Variants in ZNF45 observed in about 807,000 individuals in gnomAD.
ZNF45 encodes the protein zinc finger protein 45.
A neutral mutation model predicts 12.0 loss-of-function variants in ZNF45; 4 were observed. The ratio of observed to expected loss-of-function variants is 0.33; its 90% confidence interval spans 0.16 to 0.76. The LOEUF is 0.76. Among genes scored for constraint, ZNF45 ranks in the 30% least tolerant of loss-of-function variants. The probability of loss-of-function intolerance (pLI) is 0.60; values close to 1 mark genes in which losing one functional copy is unlikely to be tolerated. For missense variants in ZNF45, 700 were observed against 813.0 expected, an observed-to-expected ratio of 0.86 and a Z score of 1.69; for synonymous variants, 272 against 279.6, an observed-to-expected ratio of 0.97 and a Z score of 0.27.
At chr19:43,929,506 C>G (rs1407640399) in intron 3 of ZNF45, among the ~76,000 whole-genome samples, 1 of 152,154 alleles carries the variant, frequency 6.6e-6, no homozygotes, top group Non-Finnish European at 1.5e-5. Context: ...AAAGCATAGG[C>G]CCCAGTTCCT....
At chr19:43,918,141 T>A (rs554253918) in intron 9 of ZNF45, among the ~76,000 whole-genome samples, 3 of 152,318 alleles carry the variant, frequency 2.0e-5, no homozygotes, top group Non-Finnish European at 4.4e-5. Flanking sequence ...AGGGAAAGAC[T>A]TAAAAGCTAT....
Position 43,913,715 on chromosome 19 carries a change from T to C in ZNF45, c.1721A>G (p.His574Arg), listed in dbSNP as rs1053636589. 2 of 1,614,140 alleles carry C rather than the reference T, an allele frequency of 1.2e-6. No individual in the cohort carries two copies. The highest frequency in any genetic ancestry group is 1.7e-6 in the Non-Finnish European group (2 of 1,180,018). The change falls in exon 10 of 10, where the codon CAT becomes CGT. Residue 574 changes from histidine to arginine, a missense_variant. By Grantham distance (29) the His-to-Arg change is conservative. Transcript: ENST00000269973. Reference sequence around the variant, plus strand: ...TTTTTCTCCTGTGTGGACTCCACGATGTGCCAGAAAATTGGAGGCCCGACA... The same window carrying C: ...TTTTTCTCCTGTGTGGACTCCACGACGTGCCAGAAAATTGGAGGCCCGACA... Reference protein sequence around the residue: ...GFCRASNFLAHRGVHTGEKPY... With the variant: ...GFCRASNFLARRGVHTGEKPY...
In ZNF45 at chr19:43,913,970, A is replaced by T; in HGVS notation, c.1466T>A (p.Val489Glu). Residue 489 changes from valine (V) to glutamate (E), a missense_variant, in exon 10 of 10, where the codon GTA becomes GAA. Val to Glu is a moderately radical substitution (Grantham distance 121, BLOSUM62 -2). Transcript: ENST00000269973. Reference protein sequence around the residue: ...KGFSRSSDLNVHCRIHTGEKP... With the variant: ...KGFSRSSDLNEHCRIHTGEKP... ...CTCTCCTGTGTGGATTCTACAGTGT[A>T]CATTAAGATCTGAGCTCCGACTGAA... 6.2e-7 allele frequency: 1 copy of T among 1,612,206 alleles called. No individual in the cohort carries two copies. Among genetic ancestry groups the T allele is most frequent in the Non-Finnish European group, 8.5e-7 (1 of 1,179,556 alleles).
chr19:43,921,391 G>A lies in ZNF45; in HGVS notation c.15+780C>T, dbSNP rs186301657. Reference sequence around the variant, plus strand: ...TTCAATAAAATAAGTTAACATAAGAGTAAAAGAATACGGATCAGTAAGTAA... The same window carrying A: ...TTCAATAAAATAAGTTAACATAAGAATAAAAGAATACGGATCAGTAAGTAA... On this transcript the variant is annotated intron_variant, in intron 7 of 9. Transcript: ENST00000269973. 1.3e-5 allele frequency among the ~76,000 whole-genome samples: 2 copies of A among 152,232 alleles called. 1 individual carries two copies. The highest frequency in any genetic ancestry group is 2.9e-5 in the Non-Finnish European group (2 of 68,008).
intron 3 of ZNF45, chr19:43,930,124 G>A (rs539272810): frequency 5.9e-5 from 9 of 152,366 alleles, no homozygotes; most frequent in South Asian, 2.1e-4. Flanking sequence ...GTGTTCTCAC[G>A]TGGCAGAAGG....
chr19:43,921,299 A>G (rs565106506), intron 7 of ZNF45, among the ~76,000 whole-genome samples: 1 of 152,340 alleles, frequency 6.6e-6, no homozygotes, highest in South Asian at 2.1e-4. Context: ...AGGAATAAAT[A>G]CAGTAAGAGA....
rs560175757 is a variant in ZNF45, at chr19:43,932,120, G to GA, written c.-400+483dup. ...AGAGGCGGAGGCGGGCAGATCACTTGAGGTCAGGAGTTCAAGACTAACCTG... is the reference window on the plus strand; with the variant it reads ...AGAGGCGGAGGCGGGCAGATCACTTGAAGGTCAGGAGTTCAAGACTAACCTG... On this transcript the variant is annotated intron_variant, in intron 3 of 9. Coordinates refer to ENST00000269973, the MANE Select transcript of ZNF45 (RefSeq NM_003425.4). 1.3e-4 allele frequency among the ~76,000 whole-genome samples: 20 copies of GA among 152,194 alleles called. No homozygotes were observed. In the East Asian group the frequency reaches 3.9e-3, roughly 29 times the overall value.
In ZNF45 at chr19:43,918,975, A is replaced by G. The variant is rs764501678; in HGVS notation, c.143-13T>C. The G allele has an allele frequency of 1.2e-6, 2 of 1,611,042 alleles. No homozygotes were observed. The highest frequency in any genetic ancestry group is 4.5e-5 in the East Asian group (2 of 44,856). ...GTGGACTGATGCCCTGTGAAAAGGC[A>G]AGGACATAGGTTTATAATTAATACA... On this transcript the variant is annotated splice_polypyrimidine_tract_variant and intron_variant, in intron 8 of 9. Transcript: ENST00000269973.
rs1238602879 is a variant in ZNF45, at chr19:43,913,549, G to A, written c.1887C>T (p.Ala629=). 6.2e-7 allele frequency: 1 copy of A among 1,612,612 alleles called. No individual in the cohort carries two copies. The highest frequency in any genetic ancestry group is 8.5e-7 in the Non-Finnish European group (1 of 1,179,524). Residue 629 remains alanine (A), a synonymous_variant, in exon 10 of 10, where the codon GCC becomes GCT. Coordinates refer to ENST00000269973, the MANE Select transcript of ZNF45 (RefSeq NM_003425.4). ...KVFSWSSYLQ[A]HQRVHTGEKP... ...TTTCTCCGGTGTGAACTCTTTGATG[G>A]GCTTGAAGGTATGAGCTCCAGCTGA...
intron 3 of ZNF45, chr19:43,932,396 T>C (rs1671134562): frequency 6.6e-6 from 1 of 152,180 alleles, no homozygotes; most frequent in African/African-American, 2.4e-5. Context: ...TGATTTGTCT[T>C]TAAGGGAGTT....
chr19:43,914,926 C>A lies in ZNF45; in HGVS notation c.510G>T (p.Val170=). Residue 170 remains valine, a synonymous_variant, in exon 10 of 10, where the codon GTG becomes GTT. Transcript: ENST00000269973. ...GATGAGAGCTCCAGCTGAAACTTTT[C>A]ACACAATGTTCTCCTTTGTAGGGTT... is the stretch of plus-strand genomic sequence containing the variant. ...GEKPYKGEHC[V]KSFSWSSHLQ... 1 of 1,612,596 alleles carries A rather than the reference C, an allele frequency of 6.2e-7. No homozygotes were observed. Among genetic ancestry groups the A allele is most frequent in the Non-Finnish European group, 8.5e-7 (1 of 1,178,652 alleles).
In ZNF45 at chr19:43,914,529, G is replaced by GT. The variant is rs760918120; in HGVS notation, c.906dup (p.Pro303ThrfsTer3). On this transcript the variant is annotated frameshift_variant, in exon 10 of 10. Transcript: ENST00000269973. LOFTEE classifies it low-confidence loss of function (END_TRUNC). ...TTCCCACACTCTTCACACTTATATGGTTTCTTTCCAGTGTGAACTTTCAGA... is the reference window on the plus strand; with the variant it reads ...TTCCCACACTCTTCACACTTATATGGTTTTCTTTCCAGTGTGAACTTTCAGA... The GT allele has an allele frequency of 6.2e-7, 1 of 1,612,530 alleles. No individual in the cohort carries two copies.
At chr19:43,920,745 C>T (rs1401782482) in intron 7 of ZNF45, among the ~76,000 whole-genome samples, 3 of 151,476 alleles carry the variant, frequency 2.0e-5, no homozygotes, top group Non-Finnish European at 2.9e-5. Flanking sequence ...GGAATACAGG[C>T]GTGCGCCACT....
chr19:43,927,774 G>C (rs1973807279), intron 3 of ZNF45, among the ~76,000 whole-genome samples: 1 of 152,068 alleles, frequency 6.6e-6, no homozygotes, highest in Non-Finnish European at 1.5e-5. Context: ...AAAAGCCATA[G>C]GTCTGGTATT....
chr19:43,920,599 G>GT (rs61470860), intron 7 of ZNF45, among the ~76,000 whole-genome samples: 65,064 of 76,078 alleles, frequency 0.86, 29,942 homozygotes, highest in Non-Finnish European at 0.98. Context: ...TATCGTATTG[G>GT]TTTTTTTTTT....
chr19:43,919,885 A>G (rs2146895242), intron 7 of ZNF45, 186 bp from the exon 8 acceptor site: 1 of 526,372 alleles, frequency 1.9e-6, no homozygotes, highest in Non-Finnish European at 3.0e-6. Context: ...TTTCATAATA[A>G]ATGCTGTAAA....
At chr19:43,933,715 A>G (rs1439042539) in intron 2 of ZNF45, among the ~76,000 whole-genome samples, 1 of 152,216 alleles carries the variant, frequency 6.6e-6, no homozygotes, top group Non-Finnish European at 1.5e-5. Flanking sequence ...AAACACAGAC[A>G]AAAACACATT....
chr19:43,923,471 A>G (rs1468306948), intron 6 of ZNF45, among the ~76,000 whole-genome samples: 1 of 152,146 alleles, frequency 6.6e-6, no homozygotes, highest in Non-Finnish European at 1.5e-5. Flanking sequence ...ATTAAGCTTT[A>G]TCATAAGTAT....
Position 43,921,773 on chromosome 19 carries a change from G to A in ZNF45, c.15+398C>T, listed in dbSNP as rs190597971. 2.0e-5 allele frequency among the ~76,000 whole-genome samples: 3 copies of A among 152,236 alleles called. No homozygotes were observed. In the East Asian group the frequency reaches 5.8e-4, roughly 29 times the overall value. On this transcript the variant is annotated intron_variant, in intron 7 of 9. Transcript: ENST00000269973. ...ACACCACAGAGTAACATCAATTCAA[G>A]GGACTATAAAAATATGGAGCAAGTA... is the stretch of plus-strand genomic sequence containing the variant.
Sources: allele counts gnomAD v4.1 joint callset (sites outside exome capture counted in the v4.1 genomes callset), GRCh38; gene constraint gnomAD v4.1.1; transcripts MANE v1.5; gene names NCBI Gene and HGNC (gene_info 2026-07-23, HGNC 2026-07-21).